M1AP: variants seen among roughly 807,000 people sequenced by gnomAD.
M1AP encodes meiosis 1 arrest protein.
A neutral mutation model predicts 51.2 loss-of-function variants in M1AP; 39 were observed. The observed-to-expected ratio is 0.76, with a 90% CI of 0.59 to 1.00. M1AP has a LOEUF of 1.00. Among genes scored for constraint, M1AP ranks in the 50% least tolerant of loss-of-function variants. The pLI, the probability that M1AP is intolerant of heterozygous loss-of-function variation, is 0.00. For missense variants in M1AP, 545 were observed against 641.2 expected (o/e 0.85, Z 1.62); for synonymous variants, 251 against 249.2 (o/e 1.01, Z -0.07).
intron 4 of M1AP, among the ~76,000 whole-genome samples, chr2:74,592,676 C>G (rs886079358): frequency 1.3e-5 from 2 of 152,058 alleles, no homozygotes; most frequent in Non-Finnish European, 2.9e-5. Context: ...ATAAATAAAT[C>G]TTTCTTTATT....
chr2:74,637,479 T>G (rs2104829922), intron 2 of M1AP, among the ~76,000 whole-genome samples: 1 of 152,332 alleles, frequency 6.6e-6, no homozygotes, highest in South Asian at 2.1e-4. Flanking sequence ...CTATTTAAGT[T>G]TTGATTGAAT....
chr2:74,562,054 C>T, intron 8 of M1AP, 163 bp downstream of exon 8: 1 of 985,386 alleles, frequency 1.0e-6, no homozygotes, highest in African/African-American at 1.7e-5. Flanking sequence ...TGTTTACTTC[C>T]TTCTTCTGGC....
chr2:74,560,139 G>A lies in M1AP; in HGVS notation c.1422+12C>T. 6.2e-7 allele frequency: 1 copy of A among 1,613,170 alleles called. No homozygotes were observed. The highest frequency in any genetic ancestry group is 8.5e-7 in the Non-Finnish European group (1 of 1,179,872). ...GGAAGTAAGGAAGAGGAGGGAAGGA[G>A]GGGAGCGGTACCTTTCTCGGAGCTC... On this transcript the variant is annotated intron_variant, in intron 9 of 10. Coordinates refer to ENST00000421985, the MANE Select transcript of M1AP (RefSeq NM_001321739.2).
intron 3 of M1AP, among the ~76,000 whole-genome samples, chr2:74,608,679 T>G (rs1460772905): frequency 6.6e-6 from 1 of 152,268 alleles, no homozygotes; most frequent in African/African-American, 2.4e-5. Flanking sequence ...TCAAAGTGGC[T>G]GTGCCATTCT....
chr2:74,576,880 T>C, intron 5 of M1AP: 1 of 1,193,942 alleles, frequency 8.4e-7, no homozygotes, highest in Non-Finnish European at 1.1e-6. Flanking sequence ...TGACATGATC[T>C]TTACTTGTTT....
chr2:74,594,604 T>G (rs1389932546), intron 4 of M1AP, among the ~76,000 whole-genome samples: 4 of 152,194 alleles, frequency 2.6e-5, no homozygotes, highest in Non-Finnish European at 5.9e-5. Context: ...CTGGGCATGG[T>G]GACTCATGCC....
At chr2:74,588,908 GCTAGGCA>G (rs1679874518) in intron 4 of M1AP, among the ~76,000 whole-genome samples, 1 of 152,188 alleles carries the variant, frequency 6.6e-6, no homozygotes, top group African/African-American at 2.4e-5. Context: ...TCTTTTATGA[GCTAGGCA>G]CTTATTGGTG....
intron 2 of M1AP, among the ~76,000 whole-genome samples, chr2:74,635,906 G>A (rs769206681): frequency 6.6e-6 from 1 of 152,012 alleles, no homozygotes; most frequent in Non-Finnish European, 1.5e-5. Context: ...CCATGGTATG[G>A]TCTAGTTTGG....
At chr2:74,598,549 G>A (rs1017416410) in intron 4 of M1AP, among the ~76,000 whole-genome samples, 4 of 151,070 alleles carry the variant, frequency 2.6e-5, no homozygotes, top group Admixed American at 2.0e-4. Flanking sequence ...ATTTACAGCT[G>A]TGGACCATTC....
At chr2:74,647,491 A>G (rs533608320) in intron 1 of M1AP, 2 of 766,384 alleles carry the variant, frequency 2.6e-6, no homozygotes, top group African/African-American at 1.9e-5. Context: ...AAAGATTAAA[A>G]GAAGTTAATG....
chr2:74,585,884 CTTA>C (rs1410944699), intron 4 of M1AP, among the ~76,000 whole-genome samples: 4 of 152,222 alleles, frequency 2.6e-5, no homozygotes, highest in Non-Finnish European at 5.9e-5. Flanking sequence ...CCCTCCATTA[CTTA>C]TTATTACTAC....
chr2:74,623,590 C>T (rs1264472432), intron 2 of M1AP, among the ~76,000 whole-genome samples: 1 of 151,978 alleles, frequency 6.6e-6, no homozygotes, highest in Non-Finnish European at 1.5e-5. Flanking sequence ...GCTCCACGCA[C>T]TGATATATTT....
intron 4 of M1AP, among the ~76,000 whole-genome samples, chr2:74,591,520 G>T (rs187235395): frequency 6.6e-6 from 1 of 152,294 alleles, no homozygotes; most frequent in East Asian, 1.9e-4. Context: ...GCACTGTGGT[G>T]GGGGAGGGAG....
Position 74,575,550 on chromosome 2 carries a change from G to C in M1AP, c.962C>G (p.Ser321Ter). ...GATGAACGGGAGTCCATATGTCAAT[G>C]ACTCGCAGAGCCCGCTAGATTTTAA... ...KALKSSGLCE[S>*]LTYGLPFILR... is the part of the protein sequence containing the mutation. Residue 321 changes from serine to a stop codon, truncating the protein, a stop_gained, in exon 7 of 11, where the codon TCA (serine) becomes TGA (stop). Coordinates refer to ENST00000421985, the MANE Select transcript of M1AP (RefSeq NM_001321739.2). LOFTEE classifies it high-confidence loss of function. The C allele has an allele frequency of 6.2e-7, 1 of 1,614,120 alleles. No individual in the cohort carries two copies. Among genetic ancestry groups the C allele is most frequent in the Non-Finnish European group, 8.5e-7 (1 of 1,180,006 alleles).
intron 4 of M1AP, among the ~76,000 whole-genome samples, chr2:74,586,988 G>A (rs1436353109): frequency 2.0e-5 from 3 of 148,334 alleles, no homozygotes; most frequent in Non-Finnish European, 4.4e-5. Flanking sequence ...GGCAACAAGA[G>A]CGAAACTCCA....
Position 74,607,087 on chromosome 2 carries a change from G to A in M1AP, c.563C>T (p.Ser188Leu), listed in dbSNP as rs1402516974. The A allele has an allele frequency of 6.2e-7, 1 of 1,613,934 alleles. No individual in the cohort carries two copies. The highest frequency in any genetic ancestry group is 2.2e-5 in the East Asian group (1 of 44,892). ...GCTGGTATCCTCAACAGGAGACGCT[G>A]AGTCCACGTGCTCTAGGATTCCCTT... ...VTKGILEHVD[S>L]ASPVEDTSND... The change falls in exon 4 of 11, where the codon TCA (serine) becomes TTA (leucine). Residue 188 changes from serine (S) to leucine (L), a missense_variant. Physicochemically the swap from Ser to Leu is moderately radical, Grantham distance 145 (BLOSUM62 -2). Coordinates refer to ENST00000421985, the MANE Select transcript of M1AP (RefSeq NM_001321739.2).
In M1AP at chr2:74,631,309, C is replaced by T. The variant is rs1682689727; in HGVS notation, c.240+8727G>A. 2.0e-5 allele frequency among the ~76,000 whole-genome samples: 3 copies of T among 152,026 alleles called. No individual in the cohort carries two copies. The South Asian group carries it at 6.2e-4, about 31-fold the overall frequency. On this transcript the variant is annotated intron_variant, in intron 2 of 10. Coordinates refer to ENST00000421985, the MANE Select transcript of M1AP (RefSeq NM_001321739.2). ...ATGATTAGGAAGGCCTGTATTTCTG[C>T]TTTAGTGATTATCTTTATAACTCTG...
chr2:74,633,317 T>C (rs1046224702), intron 2 of M1AP, among the ~76,000 whole-genome samples: 1 of 152,190 alleles, frequency 6.6e-6, no homozygotes, highest in Non-Finnish European at 1.5e-5. Flanking sequence ...TTGTAAAATT[T>C]CATTTTAGCA....
At chr2:74,632,157 A>G (rs1379905004) in intron 2 of M1AP, among the ~76,000 whole-genome samples, 8 of 152,182 alleles carry the variant, frequency 5.3e-5, no homozygotes, top group Non-Finnish European at 1.2e-4. Flanking sequence ...TCCTGGTTAA[A>G]AACCTATGTG....
Sources: allele counts gnomAD v4.1 joint callset (sites outside exome capture counted in the v4.1 genomes callset), GRCh38; gene constraint gnomAD v4.1.1; transcripts MANE v1.5; gene names NCBI Gene and HGNC (gene_info 2026-07-23, HGNC 2026-07-21).